Variants in GPR4 observed in about 807,000 individuals in gnomAD.
The protein encoded by GPR4 is G protein-coupled receptor 4, also known as G-prodeshotein coupled receptor 4.
A neutral mutation model predicts 17.8 loss-of-function variants in GPR4; 11 were observed. The ratio of observed to expected loss-of-function variants is 0.62; its 90% confidence interval spans 0.39 to 1.02. GPR4 has a LOEUF of 1.02. Among genes scored for constraint, GPR4 ranks in the 50% least tolerant of loss-of-function variants. GPR4 has a pLI of 0.00. For synonymous variants in GPR4, 219 were observed against 222.8 expected (o/e 0.98, Z 0.15); for missense variants, 364 against 495.4 (o/e 0.73, Z 2.52).
At chr19:45,594,046 T>TAAAAAAAAAAA (rs1177623997) in intron 1 of GPR4, among the ~76,000 whole-genome samples, 1 of 50,288 alleles carries the variant, frequency 2.0e-5, no homozygotes, top group African/African-American at 1.4e-4. Flanking sequence ...ATGCCTGGCT[T>TAAAAAAAAAAA]AAAAAAAAAA....
At position 45,592,190 on chromosome 19, in the gene GPR4, T is replaced by C. The variant is rs1970004915; in HGVS notation, c.-324A>G. 2 of 279,108 alleles carry C rather than the reference T, an allele frequency of 7.2e-6. No individual in the cohort carries two copies. Among genetic ancestry groups the C allele is most frequent in the Non-Finnish European group, 1.4e-5 (2 of 138,660 alleles). 17.3% of individuals were successfully genotyped at this position (279,108 alleles called of 1,614,324 possible). On this transcript the variant is annotated 5_prime_UTR_variant, in exon 2 of 2. Coordinates refer to ENST00000323040, the MANE Select transcript of GPR4 (RefSeq NM_005282.3). ...AGGGAGTATGGGGGTGACACAAAAA[T>C]TGGTCTCCGGGAGTGTTTATGGAGG...
At chr19:45,597,751 G>A (rs781256120) in intron 1 of GPR4, among the ~76,000 whole-genome samples, 1 of 152,202 alleles carries the variant, frequency 6.6e-6, no homozygotes, top group Non-Finnish European at 1.5e-5. Context: ...GCATGGGGAG[G>A]AGGGGGAAGG....
intron 1 of GPR4, among the ~76,000 whole-genome samples, chr19:45,596,938 T>G (rs1970063996): frequency 6.6e-6 from 1 of 152,254 alleles, no homozygotes; most frequent in African/African-American, 2.4e-5. Flanking sequence ...CACAAGGTTC[T>G]GTCTGACCTG....
At position 45,591,246 on chromosome 19, in the gene GPR4, G is replaced by C. The variant is rs147982637; in HGVS notation, c.621C>G (p.Ala207=). Residue 207 remains alanine, a synonymous_variant, in exon 2 of 2, where the codon GCC becomes GCG. Coordinates refer to ENST00000323040, the MANE Select transcript of GPR4 (RefSeq NM_005282.3). The surrounding 1 kb of genome is among the most constrained non-coding windows in gnomAD (Gnocchi z 7.6). ...GCTCGGTGGACACGCTGCCCCGCAC[G>C]GCCCGCAGGATGCCCCGGTACGACA... ...MLLSYRGILR[A]VRGSVSTERQ... The C allele has an allele frequency of 6.2e-7, 1 of 1,613,142 alleles. No individual in the cohort carries two copies. Among genetic ancestry groups the C allele is most frequent in the African/African-American group, 1.3e-5 (1 of 74,930 alleles).
intron 1 of GPR4, among the ~76,000 whole-genome samples, chr19:45,593,100 A>C (rs1446615372): frequency 3.4e-5 from 5 of 148,754 alleles, no homozygotes; most frequent in African/African-American, 1.2e-4. Flanking sequence ...GGGGAGGCTG[A>C]GGTAGGAGGA....
Position 45,590,997 on chromosome 19 carries a change from G to A in GPR4, c.870C>T (p.Asn290=), listed in dbSNP as rs535557155. The change falls in exon 2 of 2, where the codon AAC becomes AAT. Residue 290 remains asparagine, a synonymous_variant. Transcript: ENST00000323040. Reference sequence around the variant, plus strand: ...TGGCCACATCGCTGCGGGCGCCCTCGTTGACCAGGCAGTAGAGGATGGGGT... The same window carrying A: ...TGGCCACATCGCTGCGGGCGCCCTCATTGACCAGGCAGTAGAGGATGGGGT... ...VADPILYCLV[N]EGARSDVAKA... 72 of 1,613,930 alleles carry A rather than the reference G, an allele frequency of 4.5e-5. No homozygotes were observed. Among genetic ancestry groups the A allele is most frequent in the Non-Finnish European group, 6.0e-5 (71 of 1,180,032 alleles).
At chr19:45,599,451 GCAGCCCCAAGGGACCAGC>G (rs1970091733) in intron 1 of GPR4, among the ~76,000 whole-genome samples, 1 of 130,738 alleles carries the variant, frequency 7.6e-6, no homozygotes, top group Non-Finnish European at 1.6e-5. Context: ...CCTTCTCCCT[GCAGCCCCAAGGGACCAGC>G]CAGCTCCGGT....
Position 45,591,129 on chromosome 19 carries a change from G to T in GPR4, c.738C>A (p.Ser246=). 6.2e-7 allele frequency: 1 copy of T among 1,613,724 alleles called. No homozygotes were observed. Among genetic ancestry groups the T allele is most frequent in the Non-Finnish European group, 8.5e-7 (1 of 1,179,980 alleles). ...GGCGGCCCAGGTAGATGGCGCTGCGGGACAGCAAGAGCACGTGATAGGGCG... is the reference window on the plus strand; with the variant it reads ...GGCGGCCCAGGTAGATGGCGCTGCGTGACAGCAAGAGCACGTGATAGGGCG... ...CFAPYHVLLL[S]RSAIYLGRPW... Residue 246 remains serine, a synonymous_variant, in exon 2 of 2, where the codon TCC becomes TCA. Coordinates refer to ENST00000323040, the MANE Select transcript of GPR4 (RefSeq NM_005282.3). This position sits in a 1 kb window ranked among gnomAD's most constrained non-coding sequence, Gnocchi z 7.6.
intron 1 of GPR4, among the ~76,000 whole-genome samples, chr19:45,594,733 A>G (rs1970039814): frequency 6.9e-6 from 1 of 144,444 alleles, no homozygotes; most frequent in South Asian, 2.2e-4. Context: ...CTGTAATCCC[A>G]GCACTTTGGG....
rs1970006160 is a variant in GPR4, at chr19:45,592,274, G to T, written c.-408C>A. ...AGATGGTTTGCAGGGCAATTAGGAA[G>T]TATGTGTAGCCATATTGAAGTAATA... is the stretch of plus-strand genomic sequence containing the variant. On this transcript the variant is annotated 5_prime_UTR_variant, in exon 2 of 2. Transcript: ENST00000323040. 1 of 189,562 alleles carries T rather than the reference G, an allele frequency of 5.3e-6. No homozygotes were observed. Among genetic ancestry groups the T allele is most frequent in the Admixed American group, 6.1e-5 (1 of 16,322 alleles). 11.7% of individuals were successfully genotyped at this position (189,562 alleles called of 1,614,324 possible). A position where few individuals can be genotyped will look rare whatever the true frequency, so the allele number is the denominator to read the frequency against.
rs200667258 is a variant in GPR4, at chr19:45,591,645, C to G, written c.222G>C (p.Val74=). 1.7e-5 allele frequency: 28 copies of G among 1,613,930 alleles called. No homozygotes were observed. The highest frequency in any genetic ancestry group is 2.3e-5 in the Non-Finnish European group (27 of 1,179,952). ...AGTTGTCGTGGTGCAGGAAGTAGTCCACCCACAGCGGCAGCGTGCAGATGT... is the reference window on the plus strand; with the variant it reads ...AGTTGTCGTGGTGCAGGAAGTAGTCGACCCACAGCGGCAGCGTGCAGATGT... The part of the protein sequence containing the change: ...LLYICTLPLW[V]DYFLHHDNWI... The change falls in exon 2 of 2, where the codon GTG becomes GTC. Residue 74 remains valine, a synonymous_variant. Coordinates refer to ENST00000323040, the MANE Select transcript of GPR4 (RefSeq NM_005282.3). This position sits in a 1 kb window ranked among gnomAD's most constrained non-coding sequence, Gnocchi z 7.6.
In GPR4 at chr19:45,602,152, C is replaced by T. The variant is rs979551275; in HGVS notation, c.-889G>A. On this transcript the variant is annotated 5_prime_UTR_variant, in exon 1 of 2. Transcript: ENST00000323040. ...GCACCTCTCTCCGCTGCGTCCAGGTCCCCGGTCTTGACAACGGCGCGGGGA... is the reference window on the plus strand; with the variant it reads ...GCACCTCTCTCCGCTGCGTCCAGGTTCCCGGTCTTGACAACGGCGCGGGGA... The T allele has an allele frequency of 2.0e-5, 3 of 152,206 alleles. No individual in the cohort carries two copies. The highest frequency in any genetic ancestry group is 7.2e-5 in the African/African-American group (3 of 41,450). The allele number at this position is 152,206 out of a possible 1,614,324, so 9.4% of individuals were successfully genotyped here. A position where few individuals can be genotyped will look rare whatever the true frequency, so the allele number is the denominator to read the frequency against.
chr19:45,594,735 C>T (rs2122545133), intron 1 of GPR4, among the ~76,000 whole-genome samples: 1 of 142,968 alleles, frequency 7.0e-6, no homozygotes, highest in Non-Finnish European at 1.5e-5. Context: ...GTAATCCCAG[C>T]ACTTTGGGAG....
intron 1 of GPR4, among the ~76,000 whole-genome samples, chr19:45,600,807 T>A (rs890004036): frequency 4.5e-4 from 68 of 152,258 alleles, no homozygotes; most frequent in African/African-American, 1.6e-3. Context: ...AACACTCCTC[T>A]TTTTGGATTG....
chr19:45,591,025 G>A lies in GPR4; in HGVS notation c.842C>T (p.Ala281Val), dbSNP rs750862282. The A allele has an allele frequency of 1.9e-6, 3 of 1,613,786 alleles. No homozygotes were observed. The highest frequency in any genetic ancestry group is 1.7e-6 in the Non-Finnish European group (2 of 1,180,036). ...SLAFTSLNCVADPILYCLVNE... is the reference protein window; with the variant it reads ...SLAFTSLNCVVDPILYCLVNE... Reference sequence around the variant, plus strand: ...GACCAGGCAGTAGAGGATGGGGTCCGCCACACAGTTGAGGCTGGTGAAAGC... The same window carrying A: ...GACCAGGCAGTAGAGGATGGGGTCCACCACACAGTTGAGGCTGGTGAAAGC... Residue 281 changes from alanine (A) to valine (V), a missense_variant, in exon 2 of 2, where the codon GCG (alanine) becomes GTG (valine). Around this residue, in one of 3 missense-constraint regions of GPR4, gnomAD observed 1 missense variants for 16.2 expected, o/e 0.06. Transcript: ENST00000323040. This position sits in a 1 kb window ranked among gnomAD's most constrained non-coding sequence, Gnocchi z 7.6.
rs1187273239 is a variant in GPR4, at chr19:45,589,893, C to G, written c.*885G>C. 6.6e-6 allele frequency: 1 copy of G among 152,374 alleles called. No homozygotes were observed. Among genetic ancestry groups the G allele is most frequent in the East Asian group, 1.9e-4 (1 of 5,200 alleles). The allele number at this position is 152,374 out of a possible 1,614,324, so 9.4% of individuals were successfully genotyped here. A position where few individuals can be genotyped will look rare whatever the true frequency, so the allele number is the denominator to read the frequency against. On this transcript the variant is annotated 3_prime_UTR_variant, in exon 2 of 2. Coordinates refer to ENST00000323040, the MANE Select transcript of GPR4 (RefSeq NM_005282.3). ...CCAGCACAGTGCCCTACATAAACCT[C>G]TGTTGAATGAATGAATAAATACCCT... is the stretch of plus-strand genomic sequence containing the variant.
chr19:45,598,657 C>T (rs995515940), intron 1 of GPR4, among the ~76,000 whole-genome samples: 6 of 152,222 alleles, frequency 3.9e-5, no homozygotes, highest in South Asian at 2.1e-4. Flanking sequence ...ACTCTTAGAA[C>T]GCCACAGTGC....
chr19:45,597,551 C>T (rs1236530584), intron 1 of GPR4, among the ~76,000 whole-genome samples: 2 of 152,158 alleles, frequency 1.3e-5, no homozygotes, highest in African/African-American at 2.4e-5. Context: ...ACTGCTGTAT[C>T]CCCAGCATCC....
At chr19:45,594,538 A>C (rs565343726) in intron 1 of GPR4, among the ~76,000 whole-genome samples, 1 of 152,118 alleles carries the variant, frequency 6.6e-6, no homozygotes, top group Admixed American at 6.5e-5. Flanking sequence ...TGAAATTTTC[A>C]AGACTCCTAT....
Sources: allele counts gnomAD v4.1 joint callset (sites outside exome capture counted in the v4.1 genomes callset), GRCh38; gene constraint gnomAD v4.1.1; regional missense constraint gnomAD v4.1.1; non-coding constraint Gnocchi (gnomAD v3.1); transcripts MANE v1.5; gene names NCBI Gene and HGNC (gene_info 2026-07-23, HGNC 2026-07-21).